The following CENPP variants were observed in gnomAD, a reference collection of about 807,000 sequenced individuals.
CENPP encodes centromere protein P.
In CENPP, 24 loss-of-function variants were observed where a neutral mutation model predicts 35.6. That is an observed-to-expected ratio of 0.67 (90% CI 0.49 to 0.95). CENPP has a LOEUF of 0.95. Among genes scored for constraint, CENPP ranks in the 40% least tolerant of loss-of-function variants. The probability of loss-of-function intolerance (pLI) is 0.00; values close to 1 mark genes in which losing one functional copy is unlikely to be tolerated. For synonymous variants in CENPP, 120 were observed against 125.5 expected, an observed-to-expected ratio of 0.96 and a Z score of 0.29; for missense variants, 332 against 345.3, an observed-to-expected ratio of 0.96 and a Z score of 0.31.
At chr9:92,604,000 A>T (rs778664711) in intron 5 of CENPP, among the ~76,000 whole-genome samples, 22 of 152,192 alleles carry the variant, frequency 1.4e-4, no homozygotes, top group Non-Finnish European at 2.5e-4. Context: ...TGCTGCTCCC[A>T]GTTTTGGCGC....
chr9:92,447,486 G>A (rs1844583079), intron 5 of CENPP, among the ~76,000 whole-genome samples: 1 of 152,162 alleles, frequency 6.6e-6, no homozygotes, highest in Non-Finnish European at 1.5e-5. Context: ...AGCTCAGGCA[G>A]TAACACAAGC....
intron 5 of CENPP, among the ~76,000 whole-genome samples, chr9:92,395,989 A>G (rs762398708): frequency 2.6e-5 from 4 of 151,916 alleles, no homozygotes; most frequent in Non-Finnish European, 5.9e-5. Flanking sequence ...TGTATAGTTT[A>G]AGATCTTTAC....
At position 92,522,912 on chromosome 9, in the gene CENPP, T is replaced by G. The variant is rs769501094; in HGVS notation, c.565-88402T>G. The G allele has an allele frequency of 1.9e-6, 3 of 1,543,680 alleles. No individual in the cohort carries two copies. The African/African-American group carries it at 4.1e-5, about 21-fold the overall frequency. ...CCAATTTCTAGAATGAAACAATATTTCAAAGTTAGTGGTGACTAAATTTTT... is the reference window on the plus strand; with the variant it reads ...CCAATTTCTAGAATGAAACAATATTGCAAAGTTAGTGGTGACTAAATTTTT... On this transcript the variant is annotated intron_variant, in intron 5 of 7. Transcript: ENST00000375587.
intron 5 of CENPP, among the ~76,000 whole-genome samples, chr9:92,463,954 T>A (rs1206473008): frequency 1.3e-5 from 2 of 152,234 alleles, no homozygotes; most frequent in African/African-American, 4.8e-5. Context: ...TTACTGTGTC[T>A]TTTAAATTAT....
chr9:92,416,103 A>ATT (rs1196539814), intron 5 of CENPP, among the ~76,000 whole-genome samples: 1 of 128,492 alleles, frequency 7.8e-6, no homozygotes, highest in African/African-American at 2.8e-5. Context: ...TATTTATTTT[A>ATT]TTTTTTTTTT....
chr9:92,563,270 G>A (rs1006245386), intron 5 of CENPP, among the ~76,000 whole-genome samples: 14 of 151,912 alleles, frequency 9.2e-5, no homozygotes, highest in Admixed American at 7.9e-4. Flanking sequence ...CCAGCTTCAC[G>A]GTGCTCCCAT....
intron 1 of CENPP, among the ~76,000 whole-genome samples, chr9:92,331,175 A>T (rs1394289773): frequency 1.3e-5 from 2 of 151,908 alleles, no homozygotes; most frequent in African/African-American, 4.8e-5. Context: ...TTATTTTTTA[A>T]TTTCTTTCTT....
intron 4 of CENPP, among the ~76,000 whole-genome samples, chr9:92,364,998 C>T (rs1841850879): frequency 1.3e-5 from 2 of 152,134 alleles, no homozygotes; most frequent in Non-Finnish European, 2.9e-5. Flanking sequence ...ACAGACAAGT[C>T]GCTAGTGTTC....
In CENPP at chr9:92,386,794, G is replaced by T. The variant is rs559492370; in HGVS notation, c.564+6935G>T. 5.1e-4 allele frequency among the ~76,000 whole-genome samples: 78 copies of T among 152,174 alleles called. 1 individual carries two copies. The Middle Eastern group carries it at 0.014, about 27-fold the overall frequency. On this transcript the variant is annotated intron_variant, in intron 5 of 7. Transcript: ENST00000375587. Reference sequence around the variant, plus strand: ...AGACGAGGTTTCACCATGTTGGCTGGTATGGTATCGATTTCCTGACCTCGT... The same window carrying T: ...AGACGAGGTTTCACCATGTTGGCTGTTATGGTATCGATTTCCTGACCTCGT...
At chr9:92,452,605 T>C (rs1336300469) in intron 5 of CENPP, among the ~76,000 whole-genome samples, 2 of 152,220 alleles carry the variant, frequency 1.3e-5, no homozygotes, top group East Asian at 3.9e-4. Context: ...AGGATGATGC[T>C]GGCCTCATAA....
intron 5 of CENPP, among the ~76,000 whole-genome samples, chr9:92,466,863 C>T (rs759322052): frequency 2.0e-5 from 3 of 152,232 alleles, no homozygotes; most frequent in Non-Finnish European, 4.4e-5. Context: ...AACCTCTACT[C>T]AGCCTCCTAT....
chr9:92,546,144 A>G (rs944519506), intron 5 of CENPP, among the ~76,000 whole-genome samples: 14 of 152,166 alleles, frequency 9.2e-5, no homozygotes, highest in African/African-American at 3.4e-4. Flanking sequence ...GGGGACTTGG[A>G]GAACTTCTGT....
intron 5 of CENPP, among the ~76,000 whole-genome samples, chr9:92,471,995 T>C (rs373268386): frequency 1.3e-5 from 2 of 152,184 alleles, no homozygotes; most frequent in Non-Finnish European, 1.5e-5. Context: ...AATTGAAGAA[T>C]TGAAAATCTA....
At chr9:92,333,392 A>AT (rs1394170939) in intron 2 of CENPP, among the ~76,000 whole-genome samples, 1 of 152,188 alleles carries the variant, frequency 6.6e-6, no homozygotes, top group Non-Finnish European at 1.5e-5. Context: ...AGAATAGAGA[A>AT]TGAGGATAGG....
chr9:92,396,434 G>A (rs1327333384), intron 5 of CENPP, among the ~76,000 whole-genome samples: 5 of 151,570 alleles, frequency 3.3e-5, no homozygotes, highest in Non-Finnish European at 7.4e-5. Context: ...TCTAAATTTG[G>A]GGAAAACTGA....
chr9:92,460,314 G>A (rs1029293154), intron 5 of CENPP, among the ~76,000 whole-genome samples: 2 of 152,112 alleles, frequency 1.3e-5, no homozygotes, highest in African/African-American at 2.4e-5. Context: ...GATTACAGGC[G>A]TGAGCCACCA....
chr9:92,613,472 C>T lies in CENPP; in HGVS notation c.*323C>T, dbSNP rs540901325. On this transcript the variant is annotated 3_prime_UTR_variant, in exon 8 of 8. Coordinates refer to ENST00000375587, the MANE Select transcript of CENPP (RefSeq NM_001012267.3). ...ACCCACTGCAGCCTCACACCGAGTC[C>T]ACCTTGGACATGGTGGCCACATTAC... The T allele has an allele frequency of 5.7e-4, 167 of 293,934 alleles. 1 individual carries two copies. The highest frequency in any genetic ancestry group is 2.0e-3 in the South Asian group (57 of 29,034). The allele number at this position is 293,934 out of a possible 1,614,324, so 18.2% of individuals were successfully genotyped here.
chr9:92,337,299 C>A (rs1448032918), intron 2 of CENPP, among the ~76,000 whole-genome samples: 1 of 150,600 alleles, frequency 6.6e-6, no homozygotes, highest in Admixed American at 6.6e-5. Context: ...GCTTGGGCAA[C>A]AAGAGCGAAA....
chr9:92,390,174 A>G, intron 5 of CENPP: 1 of 627,474 alleles, frequency 1.6e-6, no homozygotes, highest in South Asian at 2.1e-5. Context: ...TGCCTGGTAG[A>G]CTGTTTACAA....
Sources: allele counts gnomAD v4.1 joint callset (sites outside exome capture counted in the v4.1 genomes callset), GRCh38; gene constraint gnomAD v4.1.1; transcripts MANE v1.5; gene names NCBI Gene and HGNC (gene_info 2026-07-23, HGNC 2026-07-21).